The following GATAD2B variants were observed in gnomAD, a reference collection of about 807,000 sequenced individuals.
GATAD2B encodes transcriptional repressor p66-beta.
In GATAD2B, 8 loss-of-function variants were observed where a neutral mutation model predicts 64.3. The observed-to-expected ratio is 0.12, with a 90% confidence interval of 0.07 to 0.22. GATAD2B has a LOEUF of 0.22. Among genes scored for constraint, GATAD2B ranks in the 10% least tolerant of loss-of-function variants. The probability of loss-of-function intolerance (pLI) is 1.00; values close to 1 mark genes in which losing one functional copy is unlikely to be tolerated. For synonymous variants in GATAD2B, 281 were observed against 271.3 expected, an observed-to-expected ratio of 1.04 and a Z score of -0.35; for missense variants, 453 against 752.0, an observed-to-expected ratio of 0.60 and a Z score of 4.65.
intron 1 of GATAD2B, among the ~76,000 whole-genome samples, chr1:153,832,880 T>C (rs879738833): frequency 3.3e-5 from 5 of 152,156 alleles, no homozygotes; most frequent in Admixed American, 3.3e-4. Flanking sequence ...ATTTTCAATG[T>C]AGATAAAATA....
chr1:153,897,293 T>C (rs1035241393), intron 1 of GATAD2B, among the ~76,000 whole-genome samples: 6 of 152,126 alleles, frequency 3.9e-5, no homozygotes, highest in African/African-American at 9.7e-5. Flanking sequence ...CCTCCGAAAG[T>C]GCTGGGATTA....
At chr1:153,882,426 C>T (rs1677036106) in intron 1 of GATAD2B, among the ~76,000 whole-genome samples, 1 of 151,978 alleles carries the variant, frequency 6.6e-6, no homozygotes, top group Non-Finnish European at 1.5e-5. Context: ...TTTCTTTTTT[C>T]CTGAAGCTGT....
intron 1 of GATAD2B, among the ~76,000 whole-genome samples, chr1:153,862,906 TAG>T (rs1380988724): frequency 2.0e-5 from 3 of 151,612 alleles, no homozygotes; most frequent in Non-Finnish European, 4.4e-5. Context: ...GTATTTTTAG[TAG>T]AGACAGGGTT....
At chr1:153,895,640 G>C in intron 1 of GATAD2B, among the ~76,000 whole-genome samples, 1 of 151,898 alleles carries the variant, frequency 6.6e-6, no homozygotes, top group East Asian at 1.9e-4. Flanking sequence ...ACATCTGAGG[G>C]GCAAAGGAGA....
At chr1:153,853,853 A>ATCCTTGCCCTATTGATCCTT (rs1675992536) in intron 1 of GATAD2B, among the ~76,000 whole-genome samples, 2 of 152,134 alleles carry the variant, frequency 1.3e-5, no homozygotes, top group South Asian at 4.1e-4. Flanking sequence ...TGGAGGGACT[A>ATCCTTGCCCTATTGATCCTT]TCCTTGCCCT....
At chr1:153,886,681 A>G (rs1677196237) in intron 1 of GATAD2B, among the ~76,000 whole-genome samples, 1 of 151,588 alleles carries the variant, frequency 6.6e-6, no homozygotes, top group Non-Finnish European at 1.5e-5. Context: ...CCTCTCGACT[A>G]GCTGGGACTA....
chr1:153,903,848 G>C (rs980463011), intron 1 of GATAD2B, among the ~76,000 whole-genome samples: 1 of 152,118 alleles, frequency 6.6e-6, no homozygotes, highest in Non-Finnish European at 1.5e-5. Flanking sequence ...GCTAGGTATG[G>C]TGGCACGCAC....
chr1:153,836,767 T>C (rs868695266), intron 1 of GATAD2B, among the ~76,000 whole-genome samples: 2 of 152,196 alleles, frequency 1.3e-5, no homozygotes, highest in Admixed American at 6.6e-5. Flanking sequence ...GCACTGATAG[T>C]ATATGACAAA....
chr1:153,886,045 T>A (rs1297769162), intron 1 of GATAD2B, among the ~76,000 whole-genome samples: 1 of 152,162 alleles, frequency 6.6e-6, no homozygotes, highest in Admixed American at 6.5e-5. Context: ...AAGGTACTCC[T>A]ACAAAAGAAA....
intron 1 of GATAD2B, among the ~76,000 whole-genome samples, chr1:153,904,651 C>T (rs1677872454): frequency 6.6e-6 from 1 of 152,112 alleles, no homozygotes; most frequent in Non-Finnish European, 1.5e-5. Context: ...AAGCAATTCT[C>T]CTGTTTCAGT....
intron 1 of GATAD2B, among the ~76,000 whole-genome samples, chr1:153,850,678 G>C (rs1030862139): frequency 2.2e-4 from 33 of 152,054 alleles, no homozygotes; most frequent in African/African-American, 8.0e-4. Context: ...CCAGCACTTT[G>C]GGAGGCCTAC....
At chr1:153,863,322 A>T (rs1434115707) in intron 1 of GATAD2B, among the ~76,000 whole-genome samples, 1 of 151,932 alleles carries the variant, frequency 6.6e-6, no homozygotes, top group African/African-American at 2.4e-5. Flanking sequence ...TCTACTAAAA[A>T]TGCAAAATTC....
intron 1 of GATAD2B, among the ~76,000 whole-genome samples, chr1:153,840,759 G>A (rs1675457279): frequency 6.6e-6 from 1 of 152,010 alleles, no homozygotes; most frequent in Non-Finnish European, 1.5e-5. Context: ...TATTTTTTCT[G>A]ATTTGTCTCA....
chr1:153,914,276 G>A (rs942791666), intron 1 of GATAD2B, among the ~76,000 whole-genome samples: 3 of 145,210 alleles, frequency 2.1e-5, no homozygotes, highest in African/African-American at 7.6e-5. Flanking sequence ...AGCTCAACTT[G>A]TGTAAACACA....
rs144116982 is a variant in GATAD2B, at chr1:153,888,560, T to C, written c.-2+34173A>G. Among the ~76,000 whole-genome samples the C allele has an allele frequency of 1.5e-3, 236 of 152,356 alleles. 2 individuals carry two copies. Among genetic ancestry groups the C allele is most frequent in the African/African-American group, 5.5e-3 (227 of 41,582 alleles). ...CTTTGCAGGGGGACCAAGTTCTTTT[T>C]AGGCAAGTCACAAATGTTCATACTT... On this transcript the variant is annotated intron_variant, in intron 1 of 10. Transcript: ENST00000368655.
At chr1:153,909,291 G>A (rs1184214416) in intron 1 of GATAD2B, among the ~76,000 whole-genome samples, 3 of 151,878 alleles carry the variant, frequency 2.0e-5, no homozygotes, top group Non-Finnish European at 4.4e-5. Context: ...TGGGCTCACT[G>A]CAACCTCCGC....
chr1:153,855,597 C>T (rs1391726623), intron 1 of GATAD2B, among the ~76,000 whole-genome samples: 2 of 152,154 alleles, frequency 1.3e-5, no homozygotes, highest in Admixed American at 6.5e-5. Context: ...AATTGTATTA[C>T]CTTTCATTCA....
rs150237797 is a variant in GATAD2B at position 153,823,486 on chromosome 1, G to A, written c.336-3751C>T. Reference sequence around the variant, plus strand: ...TATTATGACATGGCTATTATGTTAAGAACTTCTCTTGCCTTCTGCTTTCAA... The same window carrying A: ...TATTATGACATGGCTATTATGTTAAAAACTTCTCTTGCCTTCTGCTTTCAA... On this transcript the variant is annotated intron_variant, in intron 2 of 10. Coordinates refer to ENST00000368655, the MANE Select transcript of GATAD2B (RefSeq NM_020699.4). Among the ~76,000 whole-genome samples the A allele has an allele frequency of 1.9e-3, 294 of 152,256 alleles. 2 individuals are homozygous for A. The highest frequency in any genetic ancestry group is 6.7e-3 in the African/African-American group (278 of 41,554).
At chr1:153,861,656 G>A (rs1237351098) in intron 1 of GATAD2B, among the ~76,000 whole-genome samples, 4 of 148,792 alleles carry the variant, frequency 2.7e-5, no homozygotes, top group Non-Finnish European at 4.5e-5. Context: ...GGTGGTGCAC[G>A]CCTGTAGTCC....
Sources: gnomAD v4.1 joint callset for allele counts (sites outside exome capture counted in the v4.1 genomes callset) on GRCh38, gnomAD v4.1.1 for gene constraint, MANE v1.5 for transcripts, NCBI Gene and HGNC (gene_info 2026-07-23, HGNC 2026-07-21) for gene names.